The following CLEC6A variants were observed in gnomAD, a reference collection of about 807,000 sequenced individuals.
The protein encoded by CLEC6A is C-type lectin domain containing 6A, also known as C-type lectin domain family 6 member A.
In CLEC6A, 22 loss-of-function variants were observed where a neutral mutation model predicts 25.7. That is an observed-to-expected ratio of 0.85 (90% CI 0.61 to 1.22). The LOEUF (loss-of-function observed/expected upper bound fraction) is 1.22, where lower values mean the gene tolerates loss of function less well. Among genes scored for constraint, CLEC6A ranks in the 50% most tolerant of loss-of-function variants. CLEC6A has a pLI of 0.00. For missense variants in CLEC6A, 240 were observed against 236.8 expected (o/e 1.01, Z -0.09); for synonymous variants, 92 against 76.7 (o/e 1.20, Z -1.04).
intron 3 of CLEC6A, chr12:8,460,470 A>T: frequency 1.7e-6 from 1 of 590,568 alleles, no homozygotes; most frequent in South Asian, 2.0e-5. Flanking sequence ...ATTATCTCCC[A>T]CAGGGTCCCT....
At chr12:8,461,268 C>T (rs1255107479) in intron 3 of CLEC6A, 1 of 567,730 alleles carries the variant, frequency 1.8e-6, no homozygotes, top group Non-Finnish European at 3.1e-6. Flanking sequence ...ACCTAATAAG[C>T]AATTTAGGAC....
At position 8,456,646 on chromosome 12, in the gene CLEC6A, A is replaced by T. The variant is rs774020376; in HGVS notation, c.31+504A>T. 5.3e-5 allele frequency among the ~76,000 whole-genome samples: 8 copies of T among 152,332 alleles called. No homozygotes were observed. In the East Asian group the frequency reaches 5.8e-4, roughly 11 times the overall value. On this transcript the variant is annotated intron_variant, in intron 1 of 5. Transcript: ENST00000382073. ...ATTTTTATTAAAATTTTTTATGGAT[A>T]CAAAATAGTTGTGCATGTTTATGGG... is the stretch of plus-strand genomic sequence containing the variant.
intron 4 of CLEC6A, among the ~76,000 whole-genome samples, chr12:8,474,740 T>A (rs899268657): frequency 6.6e-6 from 1 of 152,142 alleles, no homozygotes; most frequent in Non-Finnish European, 1.5e-5. Flanking sequence ...AGGAAAACAA[T>A]CTGGACATAG....
At chr12:8,476,342 A>C (rs1939974213) in intron 5 of CLEC6A, 102 bp downstream of exon 5, 1 of 730,712 alleles carries the variant, frequency 1.4e-6, no homozygotes, top group African/African-American at 1.8e-5. Flanking sequence ...ACAGGATCTA[A>C]CAATTATTAA....
At chr12:8,460,824 T>C (rs1198146219) in intron 3 of CLEC6A, 1 of 1,105,038 alleles carries the variant, frequency 9.0e-7, no homozygotes, top group African/African-American at 1.5e-5. Flanking sequence ...TTAGCCCTGG[T>C]GGCCAAAAAC....
At position 8,457,978 on chromosome 12, in the gene CLEC6A, A is replaced by T. The variant is rs1311155367; in HGVS notation, c.112A>T (p.Ser38Cys). ...IALLSACFIV[S>C]CVVTYHFTYG... ...ACTCCTCAGTGCTTGCTTCATTGTG[A>T]GCTGTGTAGGTAAGTTCTTCACTGA... The change falls in exon 2 of 6, where the codon AGC becomes TGC. Residue 38 changes from serine to cysteine, a missense_variant. Transcript: ENST00000382073. 2 of 1,612,170 alleles carry T rather than the reference A, an allele frequency of 1.2e-6. No homozygotes were observed. Among genetic ancestry groups the T allele is most frequent in the Non-Finnish European group, 1.7e-6 (2 of 1,178,452 alleles).
intron 3 of CLEC6A, among the ~76,000 whole-genome samples, chr12:8,462,573 T>C (rs760807884): frequency 3.4e-4 from 48 of 140,508 alleles, no homozygotes; most frequent in African/African-American, 1.2e-3. Context: ...GAGATGTTTA[T>C]GTGTATGCAT....
Position 8,456,053 on chromosome 12 carries a change from TC to T in CLEC6A, c.-58del. 1 of 1,569,820 alleles carries T rather than the reference TC, an allele frequency of 6.4e-7. No homozygotes were observed. Among genetic ancestry groups the T allele is most frequent in the Non-Finnish European group, 8.8e-7 (1 of 1,140,576 alleles). ...AATGAAGCTGAGTCTCTGGGCAACATCTTTAGGGAGAGAGGTACAAAAGGTT... is the reference window on the plus strand; with the variant it reads ...AATGAAGCTGAGTCTCTGGGCAACATTTTAGGGAGAGAGGTACAAAAGGTT... On this transcript the variant is annotated 5_prime_UTR_variant, in exon 1 of 6. It introduces an in-frame stop codon into an upstream open reading frame of the 5' UTR. Coordinates refer to ENST00000382073, the MANE Select transcript of CLEC6A (RefSeq NM_001007033.2).
intron 3 of CLEC6A, chr12:8,460,834 C>T (rs370909491): frequency 1.1e-4 from 107 of 1,003,688 alleles, no homozygotes; most frequent in African/African-American, 6.2e-4. Flanking sequence ...TGGCCAAAAA[C>T]GCCCAGTTCC....
At chr12:8,458,995 G>C (rs866055628) in intron 2 of CLEC6A, among the ~76,000 whole-genome samples, 1 of 152,042 alleles carries the variant, frequency 6.6e-6, no homozygotes, top group African/African-American at 2.4e-5. Flanking sequence ...GTTTCCCCTT[G>C]GTGGTTACTT....
At chr12:8,463,422 A>G (rs920041877) in intron 3 of CLEC6A, among the ~76,000 whole-genome samples, 2 of 152,218 alleles carry the variant, frequency 1.3e-5, no homozygotes, top group Non-Finnish European at 2.9e-5. Flanking sequence ...TTCAACACCA[A>G]TTCATCTCCT....
chr12:8,475,028 C>T (rs745899289), intron 4 of CLEC6A, among the ~76,000 whole-genome samples: 1 of 152,178 alleles, frequency 6.6e-6, no homozygotes, highest in Non-Finnish European at 1.5e-5. Flanking sequence ...TGCTTTCCCT[C>T]CCCTAGCCCC....
intron 3 of CLEC6A, among the ~76,000 whole-genome samples, chr12:8,460,066 C>T (rs999664985): frequency 3.3e-5 from 5 of 152,208 alleles, no homozygotes; most frequent in Admixed American, 6.5e-5. Flanking sequence ...CCATCTCCAT[C>T]CCAAATACTA....
At chr12:8,467,230 T>TC (rs1356127967) in intron 4 of CLEC6A, among the ~76,000 whole-genome samples, 2 of 152,204 alleles carry the variant, frequency 1.3e-5, no homozygotes, top group African/African-American at 4.8e-5. Flanking sequence ...TTGCTTTTGC[T>TC]CCCCATGATT....
intron 2 of CLEC6A, among the ~76,000 whole-genome samples, chr12:8,459,283 C>T (rs141237121): frequency 2.1e-4 from 32 of 151,808 alleles, no homozygotes; most frequent in African/African-American, 1.9e-4. Flanking sequence ...TATATATTTA[C>T]GGGGTACATG....
In CLEC6A at chr12:8,456,037, G is replaced by T; in HGVS notation, c.-75G>T. 6.9e-7 allele frequency: 1 copy of T among 1,439,154 alleles called. No homozygotes were observed. The highest frequency in any genetic ancestry group is 1.2e-5 in the South Asian group (1 of 86,180). 89.1% of individuals were successfully genotyped at this position (1,439,154 alleles called of 1,614,324 possible). On this transcript the variant is annotated 5_prime_UTR_variant, in exon 1 of 6. Transcript: ENST00000382073. ...AGCTCTAGCTTCTTTAAATGAAGCT[G>T]AGTCTCTGGGCAACATCTTTAGGGA...
In CLEC6A at chr12:8,477,448, A is replaced by G. The variant is rs778920033; in HGVS notation, c.614A>G (p.Asn205Ser). 7 of 1,608,294 alleles carry G rather than the reference A, an allele frequency of 4.4e-6. No homozygotes were observed. The highest frequency in any genetic ancestry group is 2.2e-5 in the South Asian group (2 of 90,036). ...ETRRNSICEM[N>S]KIYL ...AGAAGGAATTCAATATGTGAGATGAATAAGATTTACCTATGAGTAGAAGCT... is the reference window on the plus strand; with the variant it reads ...AGAAGGAATTCAATATGTGAGATGAGTAAGATTTACCTATGAGTAGAAGCT... The change falls in exon 6 of 6, where the codon AAT becomes AGT. Residue 205 changes from asparagine (N) to serine (S), a missense_variant. Transcript: ENST00000382073.
In CLEC6A at chr12:8,473,058, C is replaced by T. The variant is rs1157374773; in HGVS notation, c.370-3067C>T. On this transcript the variant is annotated intron_variant, in intron 4 of 5. Coordinates refer to ENST00000382073, the MANE Select transcript of CLEC6A (RefSeq NM_001007033.2). Reference sequence around the variant, plus strand: ...TCGCCCAGGCTGGAGTGCAGTGGCGCGATCTCGACTCACTGCAAGCTCCGC... The same window carrying T: ...TCGCCCAGGCTGGAGTGCAGTGGCGTGATCTCGACTCACTGCAAGCTCCGC... Among the ~76,000 whole-genome samples the T allele has an allele frequency of 5.4e-3, 156 of 28,952 alleles. 54 individuals are homozygous for T. The highest frequency in any genetic ancestry group is 0.014 in the African/African-American group (150 of 11,010). 19.0% of individuals were successfully genotyped at this position (28,952 alleles called of 152,430 possible).
chr12:8,463,330 C>CTA (rs56372453), intron 3 of CLEC6A, among the ~76,000 whole-genome samples: 117,185 of 151,922 alleles, frequency 0.77, 45,617 homozygotes, highest in East Asian at 0.99. Context: ...TTAAGTAAAA[C>CTA]TTGGAAGTCT....
Sources: gnomAD v4.1 joint callset for allele counts (sites outside exome capture counted in the v4.1 genomes callset) on GRCh38, gnomAD v4.1.1 for gene constraint, MANE v1.5 for transcripts, NCBI Gene and HGNC (gene_info 2026-07-23, HGNC 2026-07-21) for gene names.